ARHGEF38: variants seen among roughly 807,000 people sequenced by gnomAD.
The protein encoded by ARHGEF38 is Rho guanine nucleotide exchange factor 38.
Under a neutral mutation model 79.9 loss-of-function variants are expected in ARHGEF38, and 79 were observed. The ratio of observed to expected loss-of-function variants is 0.99; its 90% CI spans 0.82 to 1.19. ARHGEF38 has a LOEUF of 1.19. Among genes scored for constraint, ARHGEF38 ranks in the 50% most tolerant of loss-of-function variants. The pLI is 0.00. For synonymous variants in ARHGEF38, 366 were observed against 328.3 expected (o/e 1.11, Z -1.24); for missense variants, 962 against 907.2 (o/e 1.06, Z -0.78).
At chr4:105,669,257 T>A (rs1730877587) in intron 13 of ARHGEF38, among the ~76,000 whole-genome samples, 1 of 151,138 alleles carries the variant, frequency 6.6e-6, no homozygotes, top group Non-Finnish European at 1.5e-5. Flanking sequence ...AATAGCTATC[T>A]TATTCCTTAA....
chr4:105,635,124 C>A (rs1729347266), intron 4 of ARHGEF38, among the ~76,000 whole-genome samples: 1 of 152,048 alleles, frequency 6.6e-6, no homozygotes, highest in Non-Finnish European at 1.5e-5. Context: ...ATAATGTGTT[C>A]ATGAGGGTAG....
intron 13 of ARHGEF38, among the ~76,000 whole-genome samples, chr4:105,676,185 CAT>C (rs1366786015): frequency 6.6e-6 from 1 of 152,222 alleles, no homozygotes; most frequent in African/African-American, 2.4e-5. Context: ...TCTTATTTCT[CAT>C]AGTTTCCCTT....
At chr4:105,613,610 G>A (rs1451066784) in intron 3 of ARHGEF38, 103 bp downstream of exon 3, 2 of 1,306,498 alleles carry the variant, frequency 1.5e-6, no homozygotes, top group Non-Finnish European at 2.1e-6. Flanking sequence ...ATGCTTCCCA[G>A]GAGATATATA....
intron 6 of ARHGEF38, among the ~76,000 whole-genome samples, chr4:105,647,651 G>A (rs1241071420): frequency 1.3e-5 from 2 of 152,066 alleles, no homozygotes; most frequent in Admixed American, 6.6e-5. Context: ...AAATGTGTTG[G>A]TTTAATTCTC....
chr4:105,668,012 C>T (rs537301084), intron 13 of ARHGEF38, among the ~76,000 whole-genome samples: 26 of 152,168 alleles, frequency 1.7e-4, no homozygotes, highest in Non-Finnish European at 3.8e-4. Context: ...TCTTTTTATA[C>T]CCCCTCCATC....
intron 3 of ARHGEF38, among the ~76,000 whole-genome samples, chr4:105,620,595 T>C (rs1728699210): frequency 6.6e-6 from 1 of 152,246 alleles, no homozygotes; most frequent in Non-Finnish European, 1.5e-5. Flanking sequence ...GTCCTGATCA[T>C]GTTTTTCAAA....
At chr4:105,646,496 C>G (rs552599273) in intron 6 of ARHGEF38, among the ~76,000 whole-genome samples, 32 of 152,234 alleles carry the variant, frequency 2.1e-4, no homozygotes, top group Admixed American at 1.1e-3. Flanking sequence ...GTAATGAATA[C>G]GCTAAATGTT....
At chr4:105,553,818 C>A (rs2866799) in intron 1 of ARHGEF38, among the ~76,000 whole-genome samples, 134,007 of 152,084 alleles carry the variant, frequency 0.88, 59,404 homozygotes, top group African/African-American at 0.92. Flanking sequence ...GCCTCTCCTG[C>A]TTTTAGCACA....
At position 105,674,260 on chromosome 4, in the gene ARHGEF38, C is replaced by A. The variant is rs538160086; in HGVS notation, c.2149-3492C>A. 8.2e-4 allele frequency among the ~76,000 whole-genome samples: 124 copies of A among 152,096 alleles called. 1 individual carries two copies. Among genetic ancestry groups the A allele is most frequent in the African/African-American group, 2.9e-3 (119 of 41,512 alleles). On this transcript the variant is annotated intron_variant, in intron 13 of 13. Transcript: ENST00000420470. ...GTGGTAGAAAACTGAGTTGTATTCACAGAATACTGCACCTAAAATGAGTCA... is the reference window on the plus strand; with the variant it reads ...GTGGTAGAAAACTGAGTTGTATTCAAAGAATACTGCACCTAAAATGAGTCA...
chr4:105,570,205 T>C (rs1038826507), intron 1 of ARHGEF38: 2 of 152,222 alleles, frequency 1.3e-5, no homozygotes, highest in Non-Finnish European at 2.9e-5. Flanking sequence ...TTTAGAGTTG[T>C]GAGAAAGATA....
intron 4 of ARHGEF38, among the ~76,000 whole-genome samples, chr4:105,636,047 A>C (rs1426597749): frequency 6.6e-6 from 1 of 152,070 alleles, no homozygotes; most frequent in Non-Finnish European, 1.5e-5. Context: ...ATTTTTCCTC[A>C]ATCACTGAAT....
At chr4:105,574,425 C>T (rs1263593109) in intron 1 of ARHGEF38, among the ~76,000 whole-genome samples, 1 of 152,010 alleles carries the variant, frequency 6.6e-6, no homozygotes, top group Non-Finnish European at 1.5e-5. Flanking sequence ...GTTGTAGGCA[C>T]CTGTAATCCC....
In ARHGEF38 at chr4:105,667,114, C is replaced by T. The variant is rs1479622333; in HGVS notation, c.1690-15C>T. The T allele has an allele frequency of 7.2e-6, 11 of 1,526,022 alleles. No homozygotes were observed. Among genetic ancestry groups the T allele is most frequent in the Middle Eastern group, 1.7e-4 (1 of 5,946 alleles). The allele number at this position is 1,526,022 out of a possible 1,614,324, so 94.5% of individuals were successfully genotyped here. On this transcript the variant is annotated splice_polypyrimidine_tract_variant and intron_variant, in intron 11 of 13. Coordinates refer to ENST00000420470, the MANE Select transcript of ARHGEF38 (RefSeq NM_001242729.2). ...TGTATCTGTCTAAACCAAAACTTCT[C>T]CTTATTTCTCCCAGCCAGAAATGCC... is the stretch of plus-strand genomic sequence containing the variant.
At chr4:105,559,976 G>A (rs1489524409) in intron 1 of ARHGEF38, among the ~76,000 whole-genome samples, 10 of 152,078 alleles carry the variant, frequency 6.6e-5, no homozygotes, top group Non-Finnish European at 1.3e-4. Flanking sequence ...TAGGCCTTGG[G>A]TTTGAGATGT....
Position 105,589,270 on chromosome 4 carries a change from G to T in ARHGEF38, c.219G>T (p.Glu73Asp), listed in dbSNP as rs371101659. Residue 73 changes from glutamate to aspartate, a missense_variant, in exon 2 of 14, where the codon GAG (glutamate) becomes GAT (aspartate). Transcript: ENST00000420470. ...KLQEKMTPQG[E>D]CSVAETLTPE... ...CAGAAAAGATGACTCCACAGGGTGAGTGTTCTGTAGCTGAGACCTTAACCC... is the reference window on the plus strand; with the variant it reads ...CAGAAAAGATGACTCCACAGGGTGATTGTTCTGTAGCTGAGACCTTAACCC... 26 of 1,613,564 alleles carry T rather than the reference G, an allele frequency of 1.6e-5. No homozygotes were observed. The African/African-American group carries it at 2.8e-4, about 17-fold the overall frequency.
In ARHGEF38 at chr4:105,558,816, CTT is replaced by C. The variant is rs34981388; in HGVS notation, c.196+5865_196+5866del. ...GTAGCAAACACAATTTCTAGTTGTG[CTT>C]TTTTTTTTTGTTTATAAAAATTATG... On this transcript the variant is annotated intron_variant, in intron 1 of 13. Transcript: ENST00000420470. Among the ~76,000 whole-genome samples the C allele has an allele frequency of 3.3e-3, 479 of 144,584 alleles. 3 individuals carry two copies. The highest frequency in any genetic ancestry group is 0.011 in the African/African-American group (425 of 39,466). 94.9% of individuals were successfully genotyped at this position (144,584 alleles called of 152,430 possible). A position where few individuals can be genotyped will look rare whatever the true frequency, so the allele number is the denominator to read the frequency against.
intron 3 of ARHGEF38, among the ~76,000 whole-genome samples, chr4:105,615,886 C>T (rs1728491435): frequency 6.6e-6 from 1 of 152,094 alleles, no homozygotes; most frequent in Non-Finnish European, 1.5e-5. Context: ...TGGATATGAA[C>T]AGCTAGAAAC....
At chr4:105,668,710 TA>T (rs1450841941) in intron 13 of ARHGEF38, among the ~76,000 whole-genome samples, 36 of 151,494 alleles carry the variant, frequency 2.4e-4, no homozygotes, top group Admixed American at 7.2e-4. Context: ...AGATAGATGA[TA>T]GATAGATAGA....
intron 1 of ARHGEF38, among the ~76,000 whole-genome samples, chr4:105,556,918 A>G (rs1011992594): frequency 6.6e-6 from 1 of 152,194 alleles, no homozygotes; most frequent in Non-Finnish European, 1.5e-5. Flanking sequence ...ATAATAAGTA[A>G]TTCTTAGTGG....
Sources: gnomAD v4.1 joint callset for allele counts (sites outside exome capture counted in the v4.1 genomes callset) on GRCh38, gnomAD v4.1.1 for gene constraint, MANE v1.5 for transcripts, NCBI Gene and HGNC (gene_info 2026-07-23, HGNC 2026-07-21) for gene names.